Variants in RAP1GAP2 observed in about 807,000 individuals in gnomAD.
RAP1GAP2 encodes the protein RAP1 GTPase activating protein 2, also known as rap1 GTPase-activating protein 2.
RAP1GAP2 carries 27 observed loss-of-function variants against 95.0 expected under a neutral mutation model. The ratio of observed to expected loss-of-function variants is 0.28; its 90% CI spans 0.21 to 0.39. The LOEUF is 0.39. Among genes scored for constraint, RAP1GAP2 ranks in the 10% least tolerant of loss-of-function variants. The pLI is 1.00. For missense variants in RAP1GAP2, 771 were observed against 970.0 expected, an observed-to-expected ratio of 0.79 and a Z score of 2.72; for synonymous variants, 373 against 380.9, an observed-to-expected ratio of 0.98 and a Z score of 0.24.
intron 8 of RAP1GAP2, among the ~76,000 whole-genome samples, chr17:2,970,479 G>A (rs1251100686): frequency 6.6e-6 from 1 of 152,074 alleles, no homozygotes; most frequent in Non-Finnish European, 1.5e-5. Context: ...GCCCTCTGTA[G>A]GGGCTGTGTA....
intron 17 of RAP1GAP2, among the ~76,000 whole-genome samples, chr17:3,012,942 G>A (rs2046612647): frequency 6.6e-6 from 1 of 152,326 alleles, no homozygotes; most frequent in Middle Eastern, 3.4e-3. Flanking sequence ...TCAGATGGAC[G>A]TAGAGCACGT....
intron 18 of RAP1GAP2, among the ~76,000 whole-genome samples, chr17:3,020,145 CT>C (rs1410882644): frequency 6.6e-6 from 1 of 152,222 alleles, no homozygotes; most frequent in Non-Finnish European, 1.5e-5. Flanking sequence ...CAGGGCCTCC[CT>C]GGCTCTGTGC....
intron 16 of RAP1GAP2, among the ~76,000 whole-genome samples, chr17:3,007,716 C>T (rs1023090855): frequency 2.6e-4 from 39 of 152,116 alleles, no homozygotes; most frequent in African/African-American, 9.4e-4. Context: ...GGCAGAGGGC[C>T]GGGCTGGGAT....
At chr17:2,873,596 G>A (rs1332882173) in intron 2 of RAP1GAP2, among the ~76,000 whole-genome samples, 1 of 149,030 alleles carries the variant, frequency 6.7e-6, no homozygotes, top group Non-Finnish European at 1.5e-5. Context: ...AGACAAAATA[G>A]GCCTTCTAAT....
At chr17:2,806,376 T>TTTATTATTA (rs4060867) in intron 2 of RAP1GAP2, among the ~76,000 whole-genome samples, 25,612 of 139,794 alleles carry the variant, frequency 0.18, 2,865 homozygotes, top group Middle Eastern at 0.29. Context: ...CTACAACCTT[T>TTTATTATTA]TTATTATTAT....
intron 8 of RAP1GAP2, among the ~76,000 whole-genome samples, chr17:2,972,358 G>A (rs559787628): frequency 0.011 from 724 of 65,892 alleles, 1 homozygote; most frequent in Middle Eastern, 0.024. Flanking sequence ...GGCTGGGCAC[G>A]GTGGCTCACG....
intron 17 of RAP1GAP2, among the ~76,000 whole-genome samples, chr17:3,009,598 T>G (rs1440472747): frequency 6.6e-6 from 1 of 151,880 alleles, no homozygotes; most frequent in Non-Finnish European, 1.5e-5. Context: ...CTGGGGTCAG[T>G]CCCCCACTGC....
At chr17:2,905,528 G>A (rs944784341) in intron 3 of RAP1GAP2, among the ~76,000 whole-genome samples, 160 bp downstream of exon 3, 10 of 152,342 alleles carry the variant, frequency 6.6e-5, no homozygotes, top group Middle Eastern at 3.4e-3. Context: ...GCACCAGTGC[G>A]GGGGAAGCAT....
At chr17:2,890,708 A>G (rs1291099828) in intron 2 of RAP1GAP2, among the ~76,000 whole-genome samples, 9 of 147,022 alleles carry the variant, frequency 6.1e-5, no homozygotes, top group Admixed American at 2.1e-4. Context: ...TTTTTGAGAC[A>G]GAGTCTTGCT....
intron 3 of RAP1GAP2, among the ~76,000 whole-genome samples, chr17:2,907,955 T>C (rs778573845): frequency 3.3e-5 from 5 of 152,056 alleles, no homozygotes; most frequent in Non-Finnish European, 7.4e-5. Context: ...TACAGGTGCG[T>C]GCCACCACGC....
Position 2,781,230 on chromosome 17 carries a change from G to A in RAP1GAP2, c.-14+3952G>A, listed in dbSNP as rs557792186. Among the ~76,000 whole-genome samples, 6 of 152,314 alleles carry A rather than the reference G, an allele frequency of 3.9e-5. No homozygotes were observed. In the South Asian group the frequency reaches 6.2e-4, roughly 16 times the overall value. On this transcript the variant is annotated intron_variant, in intron 1 of 24. Transcript: ENST00000540393. ...GGACCATGCTGGGCCTGCTGGCTGC[G>A]CTCTGCCAGGTCTGGGTCAGCAAGC...
chr17:2,894,020 G>C (rs1479744826), intron 2 of RAP1GAP2, among the ~76,000 whole-genome samples: 2 of 152,176 alleles, frequency 1.3e-5, no homozygotes, highest in Admixed American at 1.3e-4. Context: ...TCATGTCTGT[G>C]ATCCCAGCAC....
In RAP1GAP2 at chr17:3,005,786, T is replaced by G. The variant is rs937191681; in HGVS notation, c.1273-169T>G. On this transcript the variant is annotated intron_variant, in intron 15 of 24. Transcript: ENST00000254695. The surrounding 1 kb of genome is among the most constrained non-coding windows in gnomAD (Gnocchi z 5.2). ...GGACCAGGGAAGCGGGTTTCCTTGT[T>G]GGGATATTTGCAAGTGGGCTTGGCC... 4.9e-4 allele frequency among the ~76,000 whole-genome samples: 75 copies of G among 152,260 alleles called. No homozygotes were observed. Among genetic ancestry groups the G allele is most frequent in the Non-Finnish European group, 1.0e-3 (71 of 68,004 alleles).
upstream of RAP1GAP2, among the ~76,000 whole-genome samples, chr17:2,774,021 G>A (rs1453250454): frequency 6.6e-6 from 1 of 152,146 alleles, no homozygotes; most frequent in African/African-American, 2.4e-5. Context: ...GCCTCCCAAA[G>A]TGCTGGGATT....
intron 2 of RAP1GAP2, among the ~76,000 whole-genome samples, chr17:2,898,139 G>A (rs182316408): frequency 6.6e-6 from 1 of 152,050 alleles, no homozygotes; most frequent in East Asian, 1.9e-4. Context: ...TCTTGAACTC[G>A]TGGGCTCAAG....
chr17:2,947,445 C>G (rs8079793), intron 3 of RAP1GAP2, among the ~76,000 whole-genome samples: 138,291 of 152,110 alleles, frequency 0.91, 63,129 homozygotes, highest in Middle Eastern at 0.98. Context: ...GCCATCCCAA[C>G]AAGCCCGCCC....
chr17:2,854,182 G>T, intron 2 of RAP1GAP2: 1 of 975,926 alleles, frequency 1.0e-6, no homozygotes, highest in Non-Finnish European at 1.2e-6. Flanking sequence ...TTTTCCGATG[G>T]GTGTTTGGTT....
intron 2 of RAP1GAP2, among the ~76,000 whole-genome samples, chr17:2,813,395 G>T (rs953270206): frequency 4.6e-5 from 7 of 152,170 alleles, no homozygotes; most frequent in East Asian, 3.9e-4. Flanking sequence ...AAGATCCCCC[G>T]TTCATTCCAA....
At chr17:2,897,088 G>A (rs1489946188) in intron 2 of RAP1GAP2, among the ~76,000 whole-genome samples, 1 of 152,222 alleles carries the variant, frequency 6.6e-6, no homozygotes, top group African/African-American at 2.4e-5. Context: ...TATAATCCCA[G>A]CGCTTTGGGA....
Sources: allele counts gnomAD v4.1 joint callset (sites outside exome capture counted in the v4.1 genomes callset), GRCh38; gene constraint gnomAD v4.1.1; non-coding constraint Gnocchi (gnomAD v3.1); transcripts MANE v1.5; gene names NCBI Gene and HGNC (gene_info 2026-07-23, HGNC 2026-07-21).